The following NINL variants were observed in gnomAD, a reference collection of about 807,000 sequenced individuals.
The protein encoded by NINL is ninein like.
A neutral mutation model predicts 160.3 loss-of-function variants in NINL; 153 were observed. The ratio of observed to expected loss-of-function variants is 0.95; its 90% CI spans 0.84 to 1.09. NINL has a LOEUF of 1.09. Among genes scored for constraint, NINL ranks in the 50% least tolerant of loss-of-function variants. The pLI is 0.00. For synonymous variants in NINL, 800 were observed against 734.8 expected, an observed-to-expected ratio of 1.09 and a Z score of -1.43; for missense variants, 1,829 against 1,764.0, an observed-to-expected ratio of 1.04 and a Z score of -0.66.
At chr20:25,571,071 A>C (rs2065049891) in intron 1 of NINL, among the ~76,000 whole-genome samples, 1 of 152,052 alleles carries the variant, frequency 6.6e-6, no homozygotes, top group African/African-American at 2.4e-5. Flanking sequence ...TCACCATGAA[A>C]GCTCCCCTTT....
rs1169696218 is a variant in NINL at position 25,540,019 on chromosome 20, T to G, written c.-11-13421A>C. 4 of 1,288,456 alleles carry G rather than the reference T, an allele frequency of 3.1e-6. No individual in the cohort carries two copies. The East Asian group carries it at 2.2e-4, about 71-fold the overall frequency. 79.8% of individuals were successfully genotyped at this position (1,288,456 alleles called of 1,614,324 possible). A position where few individuals can be genotyped will look rare whatever the true frequency, so the allele number is the denominator to read the frequency against. ...GCTCACTGTAATAATACACACTGTT[T>G]ACCTGCGCAGTTCAGAGGCCTCTTC... On this transcript the variant is annotated intron_variant, in intron 1 of 23. Transcript: ENST00000278886.
intron 1 of NINL, among the ~76,000 whole-genome samples, chr20:25,546,878 C>T (rs1469511180): frequency 3.3e-5 from 5 of 151,860 alleles, no homozygotes; most frequent in Non-Finnish European, 7.4e-5. Context: ...TCCCTCTGTT[C>T]CAGAGCCATC....
At chr20:25,529,067 G>A (rs755671118) in intron 1 of NINL, among the ~76,000 whole-genome samples, 1 of 152,136 alleles carries the variant, frequency 6.6e-6, no homozygotes, top group Non-Finnish European at 1.5e-5. Context: ...AATGGAAAAT[G>A]TGCATGCTCC....
At chr20:25,465,799 C>T (rs1237058677) in intron 19 of NINL, among the ~76,000 whole-genome samples, 1 of 152,128 alleles carries the variant, frequency 6.6e-6, no homozygotes, top group East Asian at 1.9e-4. Flanking sequence ...CAATGTGGCA[C>T]CCCCAGCTGC....
At chr20:25,493,629 T>C (rs1177474496) in intron 10 of NINL, among the ~76,000 whole-genome samples, 1 of 151,884 alleles carries the variant, frequency 6.6e-6, no homozygotes, top group Non-Finnish European at 1.5e-5. Context: ...CAAGGTCACC[T>C]CCCCCAGGGG....
rs200833330 is a variant in NINL, at chr20:25,477,131, C to T, written c.2202-42G>A. On this transcript the variant is annotated intron_variant, in intron 16 of 23. Coordinates refer to ENST00000278886, the MANE Select transcript of NINL (RefSeq NM_025176.6). ...GTCACACACCACAGCCCTGCCGCCC[C>T]CAGCCCCTCTCTCGGGTTTGAAGTC... is the stretch of plus-strand genomic sequence containing the variant. The T allele has an allele frequency of 6.4e-4, 968 of 1,509,460 alleles. 13 individuals are homozygous for T. Among genetic ancestry groups the T allele is most frequent in the Non-Finnish European group, 1.1e-4 (130 of 1,132,710 alleles). 93.5% of individuals were successfully genotyped at this position (1,509,460 alleles called of 1,614,324 possible).
chr20:25,564,664 G>A (rs1160608507), intron 1 of NINL, among the ~76,000 whole-genome samples: 2 of 151,850 alleles, frequency 1.3e-5, no homozygotes, highest in African/African-American at 4.8e-5. Context: ...TGTTGGCCAG[G>A]CTGGTCTTGA....
chr20:25,453,777 G>GC (rs2090596213), intron 23 of NINL, 135 bp from the exon 24 acceptor site: 2 of 751,680 alleles, frequency 2.7e-6, no homozygotes, highest in African/African-American at 1.8e-5. Context: ...AAGGCCGGGG[G>GC]CAGTGGTTCA....
intron 3 of NINL, among the ~76,000 whole-genome samples, chr20:25,516,262 C>T (rs938408780): frequency 1.3e-5 from 2 of 152,024 alleles, no homozygotes; most frequent in African/African-American, 4.8e-5. Flanking sequence ...CATGAATTAC[C>T]CAGTCTCAGG....
intron 20 of NINL, among the ~76,000 whole-genome samples, chr20:25,462,125 T>C (rs1032883876): frequency 6.6e-6 from 1 of 152,226 alleles, no homozygotes; most frequent in East Asian, 1.9e-4. Context: ...CCTCTAAGTG[T>C]GTATTTTGCC....
At position 25,504,137 on chromosome 20, in the gene NINL, C is replaced by T. The variant is rs146888383; in HGVS notation, c.709-33G>A. 1,363 of 1,533,476 alleles carry T rather than the reference C, an allele frequency of 8.9e-4. 27 individuals are homozygous for T. The East Asian group carries it at 0.026, about 29-fold the overall frequency. The allele number at this position is 1,533,476 out of a possible 1,614,324, so 95.0% of individuals were successfully genotyped here. ...AAAGCCGTCATATCTCAGGCCCACC[C>T]ACAAGAGCTCCACCCAACCGCCCTC... On this transcript the variant is annotated intron_variant, in intron 6 of 23. Coordinates refer to ENST00000278886, the MANE Select transcript of NINL (RefSeq NM_025176.6).
At chr20:25,546,833 G>C (rs1320715243) in intron 1 of NINL, among the ~76,000 whole-genome samples, 2 of 142,912 alleles carry the variant, frequency 1.4e-5, no homozygotes, top group Non-Finnish European at 3.1e-5. Flanking sequence ...CTGTGACAAG[G>C]CACCGTGGCC....
rs34225309 is a variant in NINL at position 25,476,082 on chromosome 20, C to T, written c.3209G>A (p.Arg1070Gln). Residue 1070 changes from arginine to glutamine, a missense_variant, in exon 17 of 24, where the codon CGG becomes CAG. Arg to Gln is a conservative substitution (Grantham distance 43, BLOSUM62 1). Transcript: ENST00000278886. ...CAAATCTACATGTTTCTCCAGAGCC[C>T]GGACGACGTCTTCCAGATGTAGAAG... ...TKLLHLEDVVRALEKHVDLRE... is the reference protein window; with the variant it reads ...TKLLHLEDVVQALEKHVDLRE... The T allele has an allele frequency of 2.5e-4, 408 of 1,613,904 alleles. No individual in the cohort carries two copies. The African/African-American group carries it at 5.0e-3, about 20-fold the overall frequency.
At position 25,549,214 on chromosome 20, in the gene NINL, G is replaced by A. The variant is rs1460956751; in HGVS notation, c.-11-22616C>T. On this transcript the variant is annotated intron_variant, in intron 1 of 23. Transcript: ENST00000278886. ...CCCAGCCTCACCCAGGCCTGACCCC[G>A]GCACCCACGGCCAAACCTCCCACAC... 1.1e-3 allele frequency among the ~76,000 whole-genome samples: 75 copies of A among 70,682 alleles called. 1 individual carries two copies. Among genetic ancestry groups the A allele is most frequent in the South Asian group, 2.3e-3 (4 of 1,740 alleles). The allele number at this position is 70,682 out of a possible 152,430, so 46.4% of individuals were successfully genotyped here.
chr20:25,488,482 C>A (rs1161096917), intron 13 of NINL, among the ~76,000 whole-genome samples: 1 of 152,070 alleles, frequency 6.6e-6, no homozygotes, highest in African/African-American at 2.4e-5. Context: ...CCTCGGCCTC[C>A]CAAAGTGCTG....
chr20:25,534,202 T>G (rs1001281435), intron 1 of NINL, among the ~76,000 whole-genome samples: 2 of 152,140 alleles, frequency 1.3e-5, no homozygotes, highest in Admixed American at 6.5e-5. Flanking sequence ...TAAACACTAT[T>G]CTATAAAATC....
chr20:25,585,283 G>C (rs1167735758), intron 1 of NINL, among the ~76,000 whole-genome samples, 172 bp downstream of exon 1: 1 of 152,188 alleles, frequency 6.6e-6, no homozygotes, highest in Non-Finnish European at 1.5e-5. Flanking sequence ...CGGAAGAGCA[G>C]GCACCACAGC....
intron 5 of NINL, among the ~76,000 whole-genome samples, chr20:25,506,730 T>C (rs1601177695): frequency 6.6e-6 from 1 of 152,150 alleles, no homozygotes; most frequent in South Asian, 2.1e-4. Flanking sequence ...AACGGTCCCA[T>C]GGACACTGAA....
intron 4 of NINL, among the ~76,000 whole-genome samples, chr20:25,511,043 A>G (rs2064060907): frequency 1.3e-5 from 2 of 152,152 alleles, no homozygotes; most frequent in Non-Finnish European, 1.5e-5. Context: ...TGAAAATACA[A>G]TCAAACACTC....
Sources: allele counts gnomAD v4.1 joint callset (sites outside exome capture counted in the v4.1 genomes callset), GRCh38; gene constraint gnomAD v4.1.1; transcripts MANE v1.5; gene names NCBI Gene and HGNC (gene_info 2026-07-23, HGNC 2026-07-21).